The following COL5A2 variants were observed in gnomAD, a reference collection of about 807,000 sequenced individuals.
The protein encoded by COL5A2 is collagen alpha-2(V) chain.
Under a neutral mutation model 208.2 loss-of-function variants are expected in COL5A2, and 23 were observed. The ratio of observed to expected loss-of-function variants is 0.11; its 90% confidence interval spans 0.08 to 0.16. The LOEUF is 0.16. Ranked by LOEUF, COL5A2 falls within the 10% of genes least tolerant of loss-of-function variation. The probability of loss-of-function intolerance (pLI) is 1.00; values close to 1 mark genes in which losing one functional copy is unlikely to be tolerated. For synonymous variants in COL5A2, 625 were observed against 628.5 expected, an observed-to-expected ratio of 0.99 and a Z score of 0.08; for missense variants, 1,590 against 1,956.4, an observed-to-expected ratio of 0.81 and a Z score of 3.53.
At chr2:189,217,144 G>A (rs536934783) in intron 1 of COL5A2, among the ~76,000 whole-genome samples, 45 of 152,072 alleles carry the variant, frequency 3.0e-4, no homozygotes, top group East Asian at 7.7e-4. Flanking sequence ...AAACAGTTCC[G>A]TACAGTTTTT....
the COL5A2 span, among the ~76,000 whole-genome samples, chr2:189,438,452 G>A: frequency 1.4e-4 from 22 of 152,186 alleles, no homozygotes; most frequent in East Asian, 3.9e-3. Context: ...CTAAAACCTG[G>A]GGGTAAAACA....
At chr2:189,229,505 A>G (rs1689455919), upstream of COL5A2, among the ~76,000 whole-genome samples, 1 of 151,714 alleles carries the variant, frequency 6.6e-6, no homozygotes, top group Non-Finnish European at 1.5e-5. Context: ...AAAAATCAAC[A>G]TACAAAACTA....
the COL5A2 span, among the ~76,000 whole-genome samples, chr2:189,353,953 C>T: frequency 4.6e-4 from 70 of 152,174 alleles, no homozygotes; most frequent in Non-Finnish European, 8.7e-4. Flanking sequence ...TTTTGAGATA[C>T]GTTCCATCAA....
the COL5A2 span, among the ~76,000 whole-genome samples, chr2:189,363,330 C>A: frequency 1.3e-5 from 2 of 152,028 alleles, no homozygotes; most frequent in Non-Finnish European, 2.9e-5. Flanking sequence ...GTCCAGGAAG[C>A]ATATTTCTTA....
intron 1 of COL5A2, among the ~76,000 whole-genome samples, chr2:189,174,334 A>G (rs1384243017): frequency 6.6e-6 from 1 of 152,252 alleles, no homozygotes; most frequent in Non-Finnish European, 1.5e-5. Context: ...TGTCTTCTGC[A>G]TAGTAGAATG....
At chr2:189,440,830 C>G in the COL5A2 span, among the ~76,000 whole-genome samples, 1 of 152,146 alleles carries the variant, frequency 6.6e-6, no homozygotes, top group African/African-American at 2.4e-5. Context: ...GGCCGAATGT[C>G]AGATTAGCCC....
intron 14 of COL5A2, among the ~76,000 whole-genome samples, chr2:189,079,387 A>G (rs937878856): frequency 6.6e-6 from 1 of 152,212 alleles, no homozygotes; most frequent in Admixed American, 6.5e-5. Flanking sequence ...TTATCTGGCT[A>G]TGTCTGATAC....
intron 1 of COL5A2, among the ~76,000 whole-genome samples, chr2:189,125,472 G>A (rs536207227): frequency 7.7e-4 from 117 of 151,964 alleles, no homozygotes; most frequent in African/African-American, 2.7e-3. Flanking sequence ...ACTTATAAGG[G>A]GATTTCCTCC....
the COL5A2 span, among the ~76,000 whole-genome samples, chr2:189,379,651 A>G: frequency 2.6e-5 from 4 of 152,220 alleles, no homozygotes; most frequent in Admixed American, 2.6e-4. Flanking sequence ...ATTAGTCATT[A>G]TCACACTATA....
At chr2:189,144,386 C>T (rs989492021) in intron 1 of COL5A2, among the ~76,000 whole-genome samples, 7 of 152,078 alleles carry the variant, frequency 4.6e-5, no homozygotes, top group South Asian at 2.1e-4. Context: ...ACAATCAGTG[C>T]TTATTTACTG....
chr2:189,284,066 T>C, the COL5A2 span, among the ~76,000 whole-genome samples: 5 of 152,328 alleles, frequency 3.3e-5, 1 homozygote, highest in African/African-American at 9.6e-5. Flanking sequence ...CTGATATTTA[T>C]TGATATTTAT....
In COL5A2 at chr2:189,050,581, T is replaced by C. The variant is rs1159673281; in HGVS notation, c.3027A>G (p.Leu1009=). ...TGCAGCTACTCACCGCTGGGCCTGGTAGGCCGGGCATGCCTCTCTCTCCAC... is the reference window on the plus strand; with the variant it reads ...TGCAGCTACTCACCGCTGGGCCTGGCAGGCCGGGCATGCCTCTCTCTCCAC... The part of the protein sequence containing the change: ...GQRGERGMPG[L]PGPAGTPGKV... The change falls in exon 43 of 54, where the codon CTA becomes CTG. Residue 1009 remains leucine (L), a synonymous_variant. Coordinates refer to ENST00000374866, the MANE Select transcript of COL5A2 (RefSeq NM_000393.5). 2 of 1,551,286 alleles carry C rather than the reference T, an allele frequency of 1.3e-6. No homozygotes were observed. Among genetic ancestry groups the C allele is most frequent in the African/African-American group, 2.7e-5 (2 of 73,036 alleles).
chr2:189,104,267 T>A lies in COL5A2; in HGVS notation c.333A>T (p.Arg111Ser), dbSNP rs1162712722. Residue 111 changes from arginine (R) to serine (S), a missense_variant, in exon 3 of 54, where the codon AGA (arginine) becomes AGT (serine). By Grantham distance (110) the Arg-to-Ser change is moderately radical (BLOSUM62 -1). Transcript: ENST00000374866. ...AAATATGCAAAGTAACACTTACCTT[T>A]CTTCCTCTACCTGTAAAAAGAAAAG... ...GGGNTNFGRG[R>S]KGQKGEPGLV... The A allele has an allele frequency of 1.3e-6, 2 of 1,506,940 alleles. No homozygotes were observed. The highest frequency in any genetic ancestry group is 1.8e-6 in the Non-Finnish European group (2 of 1,084,738). 93.3% of individuals were successfully genotyped at this position (1,506,940 alleles called of 1,614,324 possible).
chr2:189,124,211 T>C (rs1214459517), intron 1 of COL5A2, among the ~76,000 whole-genome samples: 1 of 152,158 alleles, frequency 6.6e-6, no homozygotes, highest in African/African-American at 2.4e-5. Context: ...TTTCTATTCA[T>C]TTCCCAACTC....
chr2:189,253,761 C>T, the COL5A2 span, among the ~76,000 whole-genome samples: 16 of 152,226 alleles, frequency 1.1e-4, no homozygotes, highest in South Asian at 2.9e-3. Flanking sequence ...GTTTTTTTCA[C>T]CCTCTGAACT....
chr2:189,325,481 GACAC>G, the COL5A2 span, among the ~76,000 whole-genome samples: 2 of 148,906 alleles, frequency 1.3e-5, no homozygotes, highest in Admixed American at 1.3e-4. Flanking sequence ...TCCCCAAACA[GACAC>G]ACACACACAC....
the COL5A2 span, among the ~76,000 whole-genome samples, chr2:189,431,291 A>T: frequency 6.6e-6 from 1 of 152,194 alleles, no homozygotes; most frequent in African/African-American, 2.4e-5. Flanking sequence ...CTTCTCCTCC[A>T]AAGGATCGCA....
rs141571092 is a variant in COL5A2 at position 189,060,790 on chromosome 2, C to T, written c.2032-7G>A. On this transcript the variant is annotated splice_region_variant and splice_polypyrimidine_tract_variant and intron_variant, in intron 30 of 53. Coordinates refer to ENST00000374866, the MANE Select transcript of COL5A2 (RefSeq NM_000393.5). ...CTGGAGGACCAGGAAGCCCCTAAAA[C>T]AAAAGTAAGAAAATAAAATTGTGAA... 2.9e-3 allele frequency: 4,647 copies of T among 1,612,026 alleles called. 24 individuals are homozygous for T. Among genetic ancestry groups the T allele is most frequent in the Non-Finnish European group, 3.5e-3 (4,154 of 1,178,220 alleles).
the COL5A2 span, among the ~76,000 whole-genome samples, chr2:189,416,096 CTT>C: frequency 1.3e-5 from 2 of 152,222 alleles, no homozygotes; most frequent in Non-Finnish European, 2.9e-5. Context: ...AACAGGAACA[CTT>C]TTACACTGTT....
Sources: allele counts gnomAD v4.1 joint callset (sites outside exome capture counted in the v4.1 genomes callset), GRCh38; gene constraint gnomAD v4.1.1; transcripts MANE v1.5; gene names NCBI Gene and HGNC (gene_info 2026-07-23, HGNC 2026-07-21).